The following SPAG17 variants were observed in gnomAD, a reference collection of about 807,000 sequenced individuals.
The protein encoded by SPAG17 is sperm-associated antigen 17.
In SPAG17, 169 loss-of-function variants were observed where a neutral mutation model predicts 273.6. The observed-to-expected ratio is 0.62, with a 90% CI of 0.55 to 0.70. SPAG17 has a LOEUF of 0.70. Ranked by LOEUF, SPAG17 falls within the 30% of genes least tolerant of loss-of-function variation. The pLI is 0.00. For missense variants in SPAG17, 2,557 were observed against 2,627.8 expected (o/e 0.97, Z 0.59); for synonymous variants, 825 against 873.2 (o/e 0.94, Z 0.97).
chr1:118,023,440 C>T lies in SPAG17; in HGVS notation c.3933G>A (p.Val1311=), dbSNP rs767725192. Residue 1311 remains valine (V), a synonymous_variant, in exon 28 of 49, where the codon GTG becomes GTA. Transcript: ENST00000336338. ...TAAGACCTGAATTGGGACTCCTGCT[C>T]ACAGCACCATCTGCAAAGAGAATCT... ...STQILFADGA[V]SRSPNSGLIC... 47 of 1,608,318 alleles carry T rather than the reference C, an allele frequency of 2.9e-5. No homozygotes were observed. Among genetic ancestry groups the T allele is most frequent in the Non-Finnish European group, 3.9e-5 (46 of 1,176,508 alleles).
At chr1:118,062,384 A>AAAAAAAAAAAAAAAAAT (rs1553242204) in intron 18 of SPAG17, among the ~76,000 whole-genome samples, 2 of 149,198 alleles carry the variant, frequency 1.3e-5, no homozygotes, top group African/African-American at 5.0e-5. Context: ...AAAAAAAAAA[A>AAAAAAAAAAAAAAAAAT]AAATTAAAGA....
At chr1:118,096,436 T>C (rs1030607890) in intron 7 of SPAG17, among the ~76,000 whole-genome samples, 10 of 152,036 alleles carry the variant, frequency 6.6e-5, no homozygotes, top group Admixed American at 2.0e-4. Flanking sequence ...CCAGCCTTTT[T>C]CAGAGCACTC....
intron 13 of SPAG17, among the ~76,000 whole-genome samples, chr1:118,084,071 G>A (rs2102157980): frequency 6.6e-6 from 1 of 152,220 alleles, no homozygotes; most frequent in Admixed American, 6.5e-5. Flanking sequence ...GAGCTGAAGG[G>A]AGAATGGAGT....
chr1:118,079,674 A>G (rs1160726408), intron 15 of SPAG17, among the ~76,000 whole-genome samples: 1 of 151,406 alleles, frequency 6.6e-6, no homozygotes, highest in East Asian at 1.9e-4. Context: ...GTTTGTCTTT[A>G]TCTAACTTAA....
Position 118,080,053 on chromosome 1 carries a change from C to T in SPAG17, c.2209+1048G>A, listed in dbSNP as rs1431823593. Reference sequence around the variant, plus strand: ...TGAAAGAAAATAACTAATGCCATAACGAGAGTGTAGATTAATTTTTTTATT... The same window carrying T: ...TGAAAGAAAATAACTAATGCCATAATGAGAGTGTAGATTAATTTTTTTATT... On this transcript the variant is annotated intron_variant, in intron 15 of 48. Transcript: ENST00000336338. Among the ~76,000 whole-genome samples the T allele has an allele frequency of 6.6e-5, 10 of 152,112 alleles. No individual in the cohort carries two copies. In the East Asian group the frequency reaches 7.7e-4, roughly 12 times the overall value.
At chr1:118,114,023 G>A (rs1002749518) in intron 4 of SPAG17, among the ~76,000 whole-genome samples, 2 of 152,088 alleles carry the variant, frequency 1.3e-5, no homozygotes, top group East Asian at 1.9e-4. Flanking sequence ...GGGAAAGGGC[G>A]AAGCAAACAG....
At position 118,125,155 on chromosome 1, in the gene SPAG17, C is replaced by A. The variant is rs372709789; in HGVS notation, c.316-9714G>T. Reference sequence around the variant, plus strand: ...GACTCAGGACCCTCAGTCCTGATAGCTCCAGCTATTGCTCGTCTCCTGGCC... The same window carrying A: ...GACTCAGGACCCTCAGTCCTGATAGATCCAGCTATTGCTCGTCTCCTGGCC... On this transcript the variant is annotated intron_variant, in intron 3 of 48. Transcript: ENST00000336338. Among the ~76,000 whole-genome samples, 18 of 152,138 alleles carry A rather than the reference C, an allele frequency of 1.2e-4. 1 individual carries two copies. Among genetic ancestry groups the A allele is most frequent in the Admixed American group, 7.8e-4 (12 of 15,298 alleles).
chr1:117,979,518 T>C (rs1655525020), intron 43 of SPAG17, among the ~76,000 whole-genome samples: 1 of 152,176 alleles, frequency 6.6e-6, no homozygotes, highest in African/African-American at 2.4e-5. Context: ...TGCTTCTTCC[T>C]TGCTTGCTCT....
chr1:118,085,699 C>A (rs995421058), intron 13 of SPAG17, among the ~76,000 whole-genome samples: 3 of 152,088 alleles, frequency 2.0e-5, no homozygotes, highest in Non-Finnish European at 4.4e-5. Context: ...GGGAAAAAAA[C>A]CCCAGTGTAT....
In SPAG17 at chr1:118,073,869, C is replaced by T. The variant is rs368322210; in HGVS notation, c.2370G>A (p.Pro790=). The change falls in exon 17 of 49, where the codon CCG becomes CCA. Residue 790 remains proline (P), a synonymous_variant. Transcript: ENST00000336338. ...MDWSFTEHFK[P]KVLLQVLQEA... ...CCATAAATACCTGAAGCAGTACTTT[C>T]GGTTTAAAATGTTCAGTAAAACTCC... The T allele has an allele frequency of 1.9e-4, 300 of 1,583,596 alleles. No homozygotes were observed. The highest frequency in any genetic ancestry group is 2.3e-4 in the Non-Finnish European group (271 of 1,168,922).
At chr1:118,120,733 C>T (rs775417211) in intron 3 of SPAG17, among the ~76,000 whole-genome samples, 4 of 152,164 alleles carry the variant, frequency 2.6e-5, no homozygotes, top group Non-Finnish European at 4.4e-5. Context: ...TTGCTTCTGG[C>T]TCCTTTCTGT....
intron 25 of SPAG17, among the ~76,000 whole-genome samples, chr1:118,028,750 C>T (rs1275530226): frequency 6.6e-6 from 1 of 152,140 alleles, no homozygotes; most frequent in African/African-American, 2.4e-5. Flanking sequence ...GTGCTGGCAT[C>T]TGAATGTTGG....
At chr1:118,159,809 T>C (rs1659822302) in intron 1 of SPAG17, among the ~76,000 whole-genome samples, 1 of 152,098 alleles carries the variant, frequency 6.6e-6, no homozygotes. Context: ...AAACACCACA[T>C]GGAAAAGCTT....
intron 7 of SPAG17, among the ~76,000 whole-genome samples, chr1:118,093,734 G>C (rs959039845): frequency 6.6e-5 from 10 of 152,174 alleles, no homozygotes; most frequent in Admixed American, 1.3e-4. Context: ...GAACACAATG[G>C]AAACACTGAC....
rs539824582 is a variant in SPAG17, at chr1:118,002,211, T to C, written c.4776+3203A>G. Among the ~76,000 whole-genome samples the C allele has an allele frequency of 5.9e-5, 9 of 152,344 alleles. No individual in the cohort carries two copies. The East Asian group carries it at 1.7e-3, about 29-fold the overall frequency. On this transcript the variant is annotated intron_variant, in intron 32 of 48. Transcript: ENST00000336338. ...GACAGTTTGTTGTGATTTCTGTTCT[T>C]TAACATTTGCTGAGGAGTGCTTTAC...
chr1:117,973,660 CT>C (rs1200986489), intron 43 of SPAG17, 99 bp from the exon 44 acceptor site: 21 of 1,203,134 alleles, frequency 1.7e-5, no homozygotes, highest in Middle Eastern at 2.1e-4. Flanking sequence ...AACTTGGAAA[CT>C]TTTTTTCTTT....
intron 32 of SPAG17, among the ~76,000 whole-genome samples, chr1:117,998,024 T>C (rs913800829): frequency 1.3e-5 from 2 of 152,160 alleles, no homozygotes; most frequent in East Asian, 1.9e-4. Context: ...AGTCTGTTGA[T>C]AGTTTCTTTT....
At chr1:117,973,613 A>ATGTG in intron 43 of SPAG17, 52 bp from the exon 44 acceptor site, 2 of 1,557,790 alleles carry the variant, frequency 1.3e-6, no homozygotes, top group African/African-American at 1.4e-5. Flanking sequence ...ATTCAAACAC[A>ATGTG]TTTGAAGTAA....
At chr1:118,147,993 G>A (rs552714851) in intron 3 of SPAG17, among the ~76,000 whole-genome samples, 10 of 152,268 alleles carry the variant, frequency 6.6e-5, no homozygotes, top group African/African-American at 2.2e-4. Context: ...AAGCTAACGA[G>A]AGTACCCTAC....
Sources: gnomAD v4.1 joint callset for allele counts (sites outside exome capture counted in the v4.1 genomes callset) on GRCh38, gnomAD v4.1.1 for gene constraint, MANE v1.5 for transcripts, NCBI Gene and HGNC (gene_info 2026-07-23, HGNC 2026-07-21) for gene names.